The following PACS1 variants were observed in gnomAD, a reference collection of about 807,000 sequenced individuals.
PACS1 encodes the protein PACS-1.
PACS1 carries 24 observed loss-of-function variants against 115.0 expected under a neutral mutation model. The ratio of observed to expected loss-of-function variants is 0.21; its 90% CI spans 0.15 to 0.29. PACS1 has a LOEUF of 0.29. Among genes scored for constraint, PACS1 ranks in the 10% least tolerant of loss-of-function variants. PACS1 has a pLI of 1.00. For synonymous variants in PACS1, 453 were observed against 504.5 expected (o/e 0.90, Z 1.37); for missense variants, 838 against 1,251.2 (o/e 0.67, Z 4.98).
In PACS1 at chr11:66,216,722, C is replaced by T. The variant is rs1855219286; in HGVS notation, c.925C>T (p.Arg309Trp). The stretch of plus-strand genomic sequence containing the variant: ...CTTGTTCTACGAAGACGAAGATCTC[C>T]GGAAAGTGAAGAAGACCCGGAGGAA... Reference protein sequence around the residue: ...QDLFYEDEDLRKVKKTRRKLT... With the variant: ...QDLFYEDEDLWKVKKTRRKLT... The change falls in exon 7 of 24, where the codon CGG (arginine) becomes TGG (tryptophan). Residue 309 changes from arginine to tryptophan, a missense_variant. Arg to Trp is a moderately radical substitution (Grantham distance 101). This residue lies in a region of PACS1 where 223 missense variants were observed against 354.0 expected (regional missense o/e 0.63). Coordinates refer to ENST00000320580, the MANE Select transcript of PACS1 (RefSeq NM_018026.4). The T allele has an allele frequency of 3.7e-6, 6 of 1,613,830 alleles. No homozygotes were observed. Among genetic ancestry groups the T allele is most frequent in the African/African-American group, 1.3e-5 (1 of 74,868 alleles).
At chr11:66,229,937 A>G (rs1855549743) in intron 11 of PACS1, among the ~76,000 whole-genome samples, 1 of 150,496 alleles carries the variant, frequency 6.6e-6, no homozygotes, top group African/African-American at 2.5e-5. Context: ...AACCTAGGCA[A>G]TAAGAGCGAA....
chr11:66,085,062 T>C (rs745464159), intron 1 of PACS1, among the ~76,000 whole-genome samples: 2 of 152,224 alleles, frequency 1.3e-5, no homozygotes, highest in Admixed American at 6.5e-5. Flanking sequence ...TTTGATGGTT[T>C]CCAAAGAGGT....
chr11:66,075,597 A>G (rs1857380879), intron 1 of PACS1, among the ~76,000 whole-genome samples: 1 of 152,192 alleles, frequency 6.6e-6, no homozygotes, highest in African/African-American at 2.4e-5. Flanking sequence ...CCATTCTTAG[A>G]TGTGGATGAA....
At chr11:66,172,834 G>T (rs1013904257) in intron 1 of PACS1, among the ~76,000 whole-genome samples, 7 of 151,982 alleles carry the variant, frequency 4.6e-5, no homozygotes, top group African/African-American at 1.7e-4. Flanking sequence ...AAATTAGCTG[G>T]GCGTGGTGGC....
chr11:66,145,584 A>G (rs143358790), intron 1 of PACS1, among the ~76,000 whole-genome samples: 81 of 152,322 alleles, frequency 5.3e-4, no homozygotes, highest in African/African-American at 1.9e-3. Flanking sequence ...GCTGACTTAG[A>G]AGCCTCTGCA....
intron 1 of PACS1, among the ~76,000 whole-genome samples, chr11:66,138,840 G>A (rs1313537320): frequency 2.6e-5 from 4 of 151,902 alleles, no homozygotes; most frequent in Admixed American, 1.3e-4. Flanking sequence ...GCGCCACCAC[G>A]CCCAGCTAAT....
At chr11:66,230,995 G>A in intron 13 of PACS1, 55 bp downstream of exon 13, 1 of 1,607,798 alleles carries the variant, frequency 6.2e-7, no homozygotes, top group Non-Finnish European at 8.5e-7. Flanking sequence ...CTGAACTTCA[G>A]GCTCTGTTTT....
At chr11:66,117,573 G>C (rs763925734) in intron 1 of PACS1, among the ~76,000 whole-genome samples, 2 of 152,088 alleles carry the variant, frequency 1.3e-5, no homozygotes, top group South Asian at 4.1e-4. Context: ...ATGGCCGGGC[G>C]TGGTGGCCCA....
At chr11:66,190,724 T>G in intron 1 of PACS1, among the ~76,000 whole-genome samples, 1 of 152,110 alleles carries the variant, frequency 6.6e-6, no homozygotes, top group Admixed American at 6.5e-5. Flanking sequence ...TTGATATCAG[T>G]AGAACCAGAG....
intron 1 of PACS1, among the ~76,000 whole-genome samples, chr11:66,087,147 ATAGC>A (rs1857586664): frequency 1.3e-5 from 2 of 151,862 alleles, no homozygotes; most frequent in Non-Finnish European, 2.9e-5. Flanking sequence ...TCCACCAACG[ATAGC>A]TAGTTTCCTA....
chr11:66,223,762 G>A (rs1855409978), intron 10 of PACS1, among the ~76,000 whole-genome samples: 1 of 152,190 alleles, frequency 6.6e-6, no homozygotes, highest in Admixed American at 6.5e-5. Context: ...AAAGCAGTAA[G>A]CAGAACACCT....
chr11:66,219,763 G>C lies in PACS1; in HGVS notation c.996G>C (p.Gln332His). 1.2e-6 allele frequency: 2 copies of C among 1,613,888 alleles called. No homozygotes were observed. The highest frequency in any genetic ancestry group is 1.7e-6 in the Non-Finnish European group (2 of 1,179,832). ...CCCTACAGCAACCTAACATCAAACA[G>C]AAGTTTGTGGCCCTCCTGAAGCGGT... ...SAITRQPNIK[Q>H]KFVALLKRFK... The change falls in exon 8 of 24, where the codon CAG (glutamine) becomes CAC (histidine). Residue 332 changes from glutamine to histidine, a missense_variant. Gln to His is a conservative substitution (Grantham distance 24). Transcript: ENST00000320580.
intron 2 of PACS1, among the ~76,000 whole-genome samples, chr11:66,205,308 A>C (rs908425529): frequency 6.7e-6 from 1 of 149,960 alleles, no homozygotes; most frequent in Non-Finnish European, 1.5e-5. Flanking sequence ...TAATTATAAA[A>C]ATTTTTTTAA....
intron 1 of PACS1, among the ~76,000 whole-genome samples, chr11:66,183,433 G>C (rs962000934): frequency 6.6e-6 from 1 of 152,146 alleles, no homozygotes; most frequent in African/African-American, 2.4e-5. Flanking sequence ...AAGGGAAGAG[G>C]CAGGGCTTAT....
intron 1 of PACS1, among the ~76,000 whole-genome samples, chr11:66,157,761 A>AT (rs1223950254): frequency 6.6e-6 from 1 of 151,522 alleles, no homozygotes; most frequent in Non-Finnish European, 1.5e-5. Context: ...CAACTGACCC[A>AT]TCCTTGGCTC....
chr11:66,142,555 A>T (rs75088602), intron 1 of PACS1, among the ~76,000 whole-genome samples: 1 of 130,694 alleles, frequency 7.7e-6, no homozygotes. Flanking sequence ...CAATCCTCCC[A>T]CCTTGGCCTC....
intron 19 of PACS1, chr11:66,238,336 A>G (rs1286944986): frequency 7.1e-6 from 7 of 985,106 alleles, no homozygotes; most frequent in Admixed American, 6.1e-5. Flanking sequence ...ACATCAGGAC[A>G]TCACAGTGAT....
intron 1 of PACS1, among the ~76,000 whole-genome samples, chr11:66,134,232 A>ATTTCTT (rs1334094486): frequency 4.2e-5 from 4 of 95,418 alleles, no homozygotes; most frequent in Non-Finnish European, 4.7e-5. Context: ...CGGTGATTAA[A>ATTTCTT]TTTCTTTTTC....
At chr11:66,165,423 C>T (rs2134631762) in intron 1 of PACS1, among the ~76,000 whole-genome samples, 1 of 152,318 alleles carries the variant, frequency 6.6e-6, no homozygotes, top group East Asian at 1.9e-4. Flanking sequence ...TAGCCAATCC[C>T]ATTGCTTTAA....
Sources: gnomAD v4.1 joint callset for allele counts (sites outside exome capture counted in the v4.1 genomes callset) on GRCh38, gnomAD v4.1.1 for gene constraint, gnomAD v4.1.1 regional missense constraint, MANE v1.5 for transcripts, NCBI Gene and HGNC (gene_info 2026-07-23, HGNC 2026-07-21) for gene names.